RSPO2: variants seen among roughly 807,000 people sequenced by gnomAD.
RSPO2 encodes the protein R-spondin 2.
RSPO2 carries 14 observed loss-of-function variants against 30.9 expected under a neutral mutation model. The observed-to-expected ratio is 0.45, with a 90% CI of 0.30 to 0.71. The LOEUF is 0.71. RSPO2 is among the 30% of genes least tolerant of loss of function. RSPO2 has a pLI of 0.08. For synonymous variants in RSPO2, 107 were observed against 96.4 expected (o/e 1.11, Z -0.64); for missense variants, 264 against 301.9 (o/e 0.87, Z 0.93).
At chr8:108,035,044 G>T (rs1407558992) in intron 2 of RSPO2, among the ~76,000 whole-genome samples, 2 of 152,114 alleles carry the variant, frequency 1.3e-5, no homozygotes, top group Admixed American at 6.5e-5. Flanking sequence ...TCCAAGTTTT[G>T]ACCTTTGCTT....
rs192565114 is a variant in RSPO2 at position 108,025,057 on chromosome 8, A to G, written c.95-35813T>C. 2.5e-3 allele frequency among the ~76,000 whole-genome samples: 383 copies of G among 152,298 alleles called. 2 individuals carry two copies. Among genetic ancestry groups the G allele is most frequent in the African/African-American group, 8.6e-3 (359 of 41,552 alleles). On this transcript the variant is annotated intron_variant, in intron 2 of 5. Transcript: ENST00000276659. ...AGGGAAGAAGCAACTCAAAAATGGA[A>G]TAAAAGCAGAAACAAATTTATAAGT...
intron 2 of RSPO2, among the ~76,000 whole-genome samples, chr8:108,057,979 C>T (rs553429393): frequency 6.6e-6 from 1 of 152,234 alleles, no homozygotes; most frequent in Non-Finnish European, 1.5e-5. Context: ...CCTTCTCCTG[C>T]CTAATTGCCC....
chr8:107,938,667 G>T (rs1220070331), intron 5 of RSPO2, among the ~76,000 whole-genome samples: 3 of 152,160 alleles, frequency 2.0e-5, no homozygotes, highest in Non-Finnish European at 2.9e-5. Flanking sequence ...TGAGGAGACA[G>T]GTGACAGATG....
intron 5 of RSPO2, among the ~76,000 whole-genome samples, chr8:107,948,575 T>C (rs1813138884): frequency 6.6e-6 from 1 of 152,124 alleles, no homozygotes; most frequent in Admixed American, 6.6e-5. Flanking sequence ...CAGAAATAAC[T>C]CTGCACCTAA....
intron 2 of RSPO2, among the ~76,000 whole-genome samples, chr8:108,041,012 G>A (rs1010019609): frequency 6.6e-6 from 1 of 152,082 alleles, no homozygotes; most frequent in African/African-American, 2.4e-5. Flanking sequence ...CTGGGGCAGG[G>A]TGTACAGAAA....
At chr8:107,955,649 CTT>C (rs1277551667) in intron 5 of RSPO2, among the ~76,000 whole-genome samples, 1 of 150,714 alleles carries the variant, frequency 6.6e-6, no homozygotes, top group African/African-American at 2.4e-5. Flanking sequence ...AAAAAAAACT[CTT>C]AAAGCCATTT....
At chr8:107,921,277 TACACACACACACACAC>T (rs71308759) in intron 5 of RSPO2, among the ~76,000 whole-genome samples, 4 of 148,740 alleles carry the variant, frequency 2.7e-5, no homozygotes, top group Non-Finnish European at 3.0e-5. Context: ...TAGCAGATTT[TACACACACACACACAC>T]ACACACACAC....
rs1220222449 is a variant in RSPO2 at position 107,941,510 on chromosome 8, T to C, written c.616+16570A>G. ...GTAGACCATTTTTGTGTTTTGGGGC[T>C]TCTTCTGTAAAATCCATTAAGATAG... On this transcript the variant is annotated intron_variant, in intron 5 of 5. Coordinates refer to ENST00000276659, the MANE Select transcript of RSPO2 (RefSeq NM_178565.5). Among the ~76,000 whole-genome samples the C allele has an allele frequency of 3.9e-5, 6 of 152,344 alleles. No individual in the cohort carries two copies. In the South Asian group the frequency reaches 6.2e-4, roughly 16 times the overall value.
At chr8:107,968,679 A>C (rs930245059) in intron 3 of RSPO2, among the ~76,000 whole-genome samples, 3 of 152,126 alleles carry the variant, frequency 2.0e-5, no homozygotes, top group African/African-American at 7.2e-5. Flanking sequence ...AGATATCAAA[A>C]TATCACATGT....
At chr8:107,998,354 G>A (rs1815100976) in intron 2 of RSPO2, among the ~76,000 whole-genome samples, 1 of 152,072 alleles carries the variant, frequency 6.6e-6, no homozygotes, top group Non-Finnish European at 1.5e-5. Context: ...TAAAAATCCT[G>A]TAATCATGTA....
intron 2 of RSPO2, among the ~76,000 whole-genome samples, chr8:108,061,043 A>T (rs1381133219): frequency 6.6e-6 from 1 of 151,854 alleles, no homozygotes; most frequent in African/African-American, 2.4e-5. Context: ...AGCACTAAAC[A>T]TGGAAAGGAA....
intron 3 of RSPO2, among the ~76,000 whole-genome samples, chr8:107,977,470 A>T (rs1328743167): frequency 6.6e-6 from 1 of 152,206 alleles, no homozygotes; most frequent in Non-Finnish European, 1.5e-5. Flanking sequence ...AAGAGGTTTC[A>T]AAGCAGTATG....
At chr8:107,960,070 A>G (rs630662) in intron 4 of RSPO2, among the ~76,000 whole-genome samples, 113,961 of 152,004 alleles carry the variant, frequency 0.75, 42,921 homozygotes, top group East Asian at 0.94. Flanking sequence ...TCAAATGGTG[A>G]TATAAGAATG....
At chr8:108,031,178 T>C (rs975772757) in intron 2 of RSPO2, among the ~76,000 whole-genome samples, 4 of 152,242 alleles carry the variant, frequency 2.6e-5, no homozygotes, top group Admixed American at 6.5e-5. Context: ...TTATAAATCA[T>C]GGTGTTATAG....
intron 3 of RSPO2, chr8:107,983,394 T>C (rs1453451734): frequency 6.2e-7 from 1 of 1,605,854 alleles, no homozygotes; most frequent in African/African-American, 1.3e-5. Context: ...CAGACAAGGA[T>C]GTAGCTGCCC....
rs532617888 is a variant in RSPO2, at chr8:107,900,577, A to C, written c.*498T>G. On this transcript the variant is annotated 3_prime_UTR_variant, in exon 6 of 6. Transcript: ENST00000276659. ...GAAACTGAGCAGGAATTTCCAGAGC[A>C]TATCCTCAGCTAAAAGCAGTTTCAT... is the stretch of plus-strand genomic sequence containing the variant. 1.3e-5 allele frequency: 2 copies of C among 153,154 alleles called. No individual in the cohort carries two copies. Among genetic ancestry groups the C allele is most frequent in the East Asian group, 3.8e-4 (2 of 5,196 alleles). 9.5% of individuals were successfully genotyped at this position (153,154 alleles called of 1,614,324 possible).
chr8:107,992,204 C>CA (rs71308765), intron 2 of RSPO2, among the ~76,000 whole-genome samples: 1 of 151,152 alleles, frequency 6.6e-6, no homozygotes, highest in African/African-American at 2.4e-5. Context: ...CACACACACA[C>CA]CATGGAATAC....
intron 2 of RSPO2, chr8:108,081,886 C>A: frequency 1.0e-6 from 1 of 985,284 alleles, no homozygotes; most frequent in South Asian, 4.7e-5. Flanking sequence ...CGAGGACTCC[C>A]CAGAAAACCA....
intron 2 of RSPO2, among the ~76,000 whole-genome samples, chr8:107,997,748 C>T (rs2130547948): frequency 6.6e-6 from 1 of 152,226 alleles, no homozygotes; most frequent in Admixed American, 6.5e-5. Context: ...ATTTGTGTTC[C>T]CCTTAAATTA....
Sources: allele counts gnomAD v4.1 joint callset (sites outside exome capture counted in the v4.1 genomes callset), GRCh38; gene constraint gnomAD v4.1.1; transcripts MANE v1.5; gene names NCBI Gene and HGNC (gene_info 2026-07-23, HGNC 2026-07-21).